The following OR9Q1 variants were observed in gnomAD, a reference collection of about 807,000 sequenced individuals.
The protein encoded by OR9Q1 is olfactory receptor 9Q1.
For missense variants in OR9Q1, 374 were observed against 378.8 expected (o/e 0.99, Z 0.11); for synonymous variants, 153 against 148.6 (o/e 1.03, Z -0.22).
At chr11:58,118,682 G>A (rs1319191616) in intron 2 of OR9Q1, 5 of 1,613,986 alleles carry the variant, frequency 3.1e-6, no homozygotes, top group Non-Finnish European at 4.2e-6. Context: ...ATGAAGATAA[G>A]GGCTCCAAAG....
At chr11:58,065,518 A>T (rs1248368877) in intron 2 of OR9Q1, among the ~76,000 whole-genome samples, 1 of 152,218 alleles carries the variant, frequency 6.6e-6, no homozygotes, top group Non-Finnish European at 1.5e-5. Flanking sequence ...TCACAGATTG[A>T]AGTCTGGTTC....
At chr11:58,159,688 A>C (rs968971978) in intron 2 of OR9Q1, among the ~76,000 whole-genome samples, 1 of 152,244 alleles carries the variant, frequency 6.6e-6, no homozygotes. Context: ...GTTTGAAAGT[A>C]ATTGCCACAG....
At chr11:58,056,403 G>T (rs994747270) in intron 2 of OR9Q1, among the ~76,000 whole-genome samples, 3 of 152,130 alleles carry the variant, frequency 2.0e-5, no homozygotes, top group African/African-American at 7.2e-5. Context: ...GCAAACTACT[G>T]CCTGTAGACT....
intron 2 of OR9Q1, among the ~76,000 whole-genome samples, chr11:58,164,585 C>G (rs1854484866): frequency 6.6e-6 from 1 of 152,100 alleles, no homozygotes; most frequent in Non-Finnish European, 1.5e-5. Context: ...CACACCCATC[C>G]CAATGCTGCC....
chr11:58,081,359 T>C (rs1468349991), intron 2 of OR9Q1, among the ~76,000 whole-genome samples: 1 of 152,164 alleles, frequency 6.6e-6, no homozygotes, highest in Non-Finnish European at 1.5e-5. Context: ...GGTGAAATGG[T>C]ATTTCTACTT....
intron 2 of OR9Q1, among the ~76,000 whole-genome samples, chr11:58,137,953 G>C (rs1240494680): frequency 6.6e-6 from 1 of 152,176 alleles, no homozygotes; most frequent in East Asian, 1.9e-4. Flanking sequence ...AGACCATTGT[G>C]TTATAGAACA....
intron 2 of OR9Q1, among the ~76,000 whole-genome samples, chr11:58,146,067 T>C (rs1053527055): frequency 1.3e-5 from 2 of 152,200 alleles, no homozygotes; most frequent in Non-Finnish European, 2.9e-5. Context: ...AAAAGAAGGA[T>C]GTAATGATTT....
intron 2 of OR9Q1, among the ~76,000 whole-genome samples, chr11:58,066,853 G>T (rs1853434978): frequency 6.6e-6 from 1 of 152,128 alleles, no homozygotes; most frequent in Admixed American, 6.5e-5. Context: ...GAGGCCGGGG[G>T]TCTCCAGGGA....
intron 1 of OR9Q1, among the ~76,000 whole-genome samples, chr11:58,030,149 C>A (rs574222113): frequency 6.6e-6 from 1 of 152,248 alleles, no homozygotes; most frequent in South Asian, 2.1e-4. Context: ...GCCTCTGGCT[C>A]TTATCTTGTT....
At chr11:58,106,423 A>C (rs1853841186) in intron 2 of OR9Q1, among the ~76,000 whole-genome samples, 1 of 152,024 alleles carries the variant, frequency 6.6e-6, no homozygotes, top group Non-Finnish European at 1.5e-5. Context: ...TGGCTTGCAA[A>C]TATTTTTTCC....
intron 1 of OR9Q1, chr11:58,044,983 GACATAA>G (rs1161910860): frequency 6.6e-6 from 1 of 152,064 alleles, no homozygotes; most frequent in Non-Finnish European, 1.5e-5. Context: ...CACCTGACTT[GACATAA>G]ACAAACTTTG....
At chr11:58,066,402 G>T (rs1238601675) in intron 2 of OR9Q1, among the ~76,000 whole-genome samples, 1 of 152,076 alleles carries the variant, frequency 6.6e-6, no homozygotes, top group Non-Finnish European at 1.5e-5. Context: ...GCCTTTGGCT[G>T]GGGGTCCTTT....
chr11:58,180,395 A>G lies in OR9Q1; in HGVS notation c.*18A>G, dbSNP rs186796470. 1,062 of 1,503,370 alleles carry G rather than the reference A, an allele frequency of 7.1e-4. 8 individuals carry two copies. In the East Asian group the frequency reaches 0.016, roughly 23 times the overall value. The allele number at this position is 1,503,370 out of a possible 1,614,324, so 93.1% of individuals were successfully genotyped here. ...TGTCCTAACCATCTCCAAACTTGGA[A>G]AATCCCGAGAACCACCTACTCTGTA... is the stretch of plus-strand genomic sequence containing the variant. On this transcript the variant is annotated 3_prime_UTR_variant, in exon 3 of 3. Transcript: ENST00000335397.
chr11:58,087,358 A>G (rs1191583466), intron 2 of OR9Q1, among the ~76,000 whole-genome samples: 1 of 151,628 alleles, frequency 6.6e-6, no homozygotes, highest in African/African-American at 2.4e-5. Flanking sequence ...TTTTTCCTTT[A>G]TATACCTGGA....
chr11:58,139,126 G>C (rs185184566), intron 2 of OR9Q1, among the ~76,000 whole-genome samples: 1 of 152,138 alleles, frequency 6.6e-6, no homozygotes, highest in Non-Finnish European at 1.5e-5. Flanking sequence ...AAAGAAAATA[G>C]CAAATATTAA....
intron 2 of OR9Q1, among the ~76,000 whole-genome samples, chr11:58,082,871 T>C (rs1298819851): frequency 3.3e-5 from 5 of 149,678 alleles, no homozygotes; most frequent in Non-Finnish European, 7.4e-5. Context: ...TGTGTACATG[T>C]GCCATGCTGG....
rs189901405 is a variant in OR9Q1 at position 58,162,206 on chromosome 11, G to A, written c.-14-17225G>A. Among the ~76,000 whole-genome samples the A allele has an allele frequency of 2.6e-3, 392 of 152,292 alleles. 1 individual carries two copies. The highest frequency in any genetic ancestry group is 4.4e-3 in the Non-Finnish European group (297 of 68,030). ...ACATACCATTATTGTCATTCATTACGAGTAACAAGAAGTCATTATAAGTAA... is the reference window on the plus strand; with the variant it reads ...ACATACCATTATTGTCATTCATTACAAGTAACAAGAAGTCATTATAAGTAA... On this transcript the variant is annotated intron_variant, in intron 2 of 2. Coordinates refer to ENST00000335397, the MANE Select transcript of OR9Q1 (RefSeq NM_001005212.4).
chr11:58,129,912 T>C lies in OR9Q1; in HGVS notation c.-14-49519T>C, dbSNP rs756861307. Among the ~76,000 whole-genome samples the C allele has an allele frequency of 5.6e-4, 85 of 151,950 alleles. 1 individual carries two copies. The highest frequency in any genetic ancestry group is 2.5e-4 in the Non-Finnish European group (17 of 68,000). ...TTTTCCTGGTATATATAAATACAGG[T>C]GAGTTTATTTTATTTTTGTTTTACT... On this transcript the variant is annotated intron_variant, in intron 2 of 2. Coordinates refer to ENST00000335397, the MANE Select transcript of OR9Q1 (RefSeq NM_001005212.4).
chr11:58,116,229 C>T (rs376236995), intron 2 of OR9Q1, among the ~76,000 whole-genome samples: 1 of 152,144 alleles, frequency 6.6e-6, no homozygotes, highest in Non-Finnish European at 1.5e-5. Flanking sequence ...GGGCTCCAGC[C>T]ATCACATTCA....
Sources: gnomAD v4.1 joint callset for allele counts (sites outside exome capture counted in the v4.1 genomes callset) on GRCh38, gnomAD v4.1.1 for gene constraint, MANE v1.5 for transcripts, NCBI Gene and HGNC (gene_info 2026-07-23, HGNC 2026-07-21) for gene names.